The following ZNF385C variants were observed in gnomAD, a reference collection of about 807,000 sequenced individuals.
The protein encoded by ZNF385C is CTD-2132N18.2.
ZNF385C carries 28 observed loss-of-function variants against 35.4 expected under a neutral mutation model. The observed-to-expected ratio is 0.79, with a 90% CI of 0.59 to 1.08. ZNF385C has a LOEUF of 1.08. Ranked by LOEUF, ZNF385C falls within the 50% of genes least tolerant of loss-of-function variation. ZNF385C has a pLI of 0.00. For synonymous variants in ZNF385C, 248 were observed against 248.2 expected (o/e 1.00, Z 0.01); for missense variants, 605 against 595.6 (o/e 1.02, Z -0.16).
rs1421032388 is a variant in ZNF385C at position 42,034,237 on chromosome 17, C to G, written c.498G>C (p.Arg166Ser). 3.2e-6 allele frequency: 5 copies of G among 1,550,516 alleles called. No homozygotes were observed. In the East Asian group the frequency reaches 1.2e-4, roughly 38 times the overall value. The change falls in exon 4 of 9, where the codon AGG becomes AGC. Residue 166 changes from arginine (R) to serine (S), a missense_variant. Transcript: ENST00000692273. ...LFISCNICHL[R>S]FNSANQAEAH... is the part of the protein sequence containing the mutation. ...TACTTTGTCTCACCGCTGAGTTGAA[C>G]CTCAGGTGACAGATGTTACAGGAAA...
intron 2 of ZNF385C, among the ~76,000 whole-genome samples, chr17:42,055,589 C>T (rs2053361323): frequency 6.6e-6 from 1 of 152,118 alleles, no homozygotes; most frequent in Admixed American, 6.5e-5. Context: ...CAGCATGCAC[C>T]CAAAGGCCTC....
chr17:42,052,083 C>T (rs797031136), intron 2 of ZNF385C, among the ~76,000 whole-genome samples: 19 of 152,110 alleles, frequency 1.2e-4, no homozygotes, highest in Admixed American at 1.1e-3. Context: ...CATTTTGCTG[C>T]GGAACAGCCA....
intron 1 of ZNF385C, among the ~76,000 whole-genome samples, chr17:42,073,477 CA>C (rs1191955833): frequency 2.0e-5 from 3 of 151,994 alleles, no homozygotes; most frequent in Non-Finnish European, 2.9e-5. Flanking sequence ...GGTCCAAAGT[CA>C]CACAGGAAGT....
intron 2 of ZNF385C, among the ~76,000 whole-genome samples, chr17:42,052,803 A>T (rs1407033735): frequency 1.3e-5 from 2 of 152,074 alleles, no homozygotes. Context: ...AGTTAAATGC[A>T]TCGGAGTTAA....
intron 1 of ZNF385C, among the ~76,000 whole-genome samples, chr17:42,097,067 A>G (rs1276281292): frequency 2.0e-5 from 3 of 150,256 alleles, no homozygotes; most frequent in Non-Finnish European, 3.0e-5. Flanking sequence ...ACATGAGGGG[A>G]CACTGGTACT....
At chr17:42,091,515 G>C (rs1341050418) in intron 1 of ZNF385C, among the ~76,000 whole-genome samples, 1 of 152,194 alleles carries the variant, frequency 6.6e-6, no homozygotes, top group Non-Finnish European at 1.5e-5. Context: ...AGCTTCCCAA[G>C]GGTCAGGCCC....
chr17:42,055,107 G>A (rs34152339), intron 2 of ZNF385C, among the ~76,000 whole-genome samples: 114,481 of 151,454 alleles, frequency 0.76, 44,565 homozygotes, highest in South Asian at 0.86. Flanking sequence ...GCTAGCCCCC[G>A]ACCCCCTCAG....
rs774830211 is a variant in ZNF385C at position 42,026,762 on chromosome 17, C to G, written c.*135G>C. 3 of 891,130 alleles carry G rather than the reference C, an allele frequency of 3.4e-6. No homozygotes were observed. The highest frequency in any genetic ancestry group is 5.4e-6 in the Non-Finnish European group (3 of 551,192). The allele number at this position is 891,130 out of a possible 1,614,324, so 55.2% of individuals were successfully genotyped here. ...GAAGGCAGCTGCCCTTAAAACTAGC[C>G]CAGCTCTTTCTGGATCGGGCAGGAC... On this transcript the variant is annotated 3_prime_UTR_variant, in exon 9 of 9. Transcript: ENST00000692273.
chr17:42,075,894 C>T (rs2053679835), intron 1 of ZNF385C, among the ~76,000 whole-genome samples: 2 of 152,132 alleles, frequency 1.3e-5, no homozygotes, highest in Non-Finnish European at 1.5e-5. Flanking sequence ...GAATGCTGCC[C>T]ATCCCTCAGT....
At chr17:42,039,090 A>C (rs1364499136) in intron 2 of ZNF385C, 1 of 152,092 alleles carries the variant, frequency 6.6e-6, no homozygotes, top group East Asian at 1.9e-4. Context: ...GTCTCTACTA[A>C]AAATACATAA....
intron 2 of ZNF385C, among the ~76,000 whole-genome samples, chr17:42,044,699 C>T (rs1222330847): frequency 6.6e-6 from 1 of 152,090 alleles, no homozygotes; most frequent in Non-Finnish European, 1.5e-5. Flanking sequence ...CTCTAAAGCT[C>T]CATTCCTTAT....
chr17:42,087,662 C>T (rs887156141), intron 1 of ZNF385C, among the ~76,000 whole-genome samples: 16 of 152,174 alleles, frequency 1.1e-4, no homozygotes, highest in African/African-American at 1.7e-4. Flanking sequence ...CAGTGTCTCA[C>T]GTCTATAAAT....
intron 1 of ZNF385C, among the ~76,000 whole-genome samples, chr17:42,076,246 C>T (rs538169781): frequency 6.6e-6 from 1 of 152,326 alleles, no homozygotes; most frequent in South Asian, 2.1e-4. Flanking sequence ...GTGCCAGATC[C>T]TTCCCATGCC....
intron 1 of ZNF385C, among the ~76,000 whole-genome samples, chr17:42,066,794 C>T (rs557080677): frequency 3.3e-5 from 5 of 152,156 alleles, no homozygotes; most frequent in South Asian, 2.1e-4. Flanking sequence ...ATTGACTGGG[C>T]GCAGTGGCTC....
rs1029049782 is a variant in ZNF385C at position 42,043,362 on chromosome 17, C to T, written c.251-5477G>A. The T allele has an allele frequency of 4.9e-6, 6 of 1,232,246 alleles. No individual in the cohort carries two copies. The East Asian group carries it at 1.9e-4, about 39-fold the overall frequency. The allele number at this position is 1,232,246 out of a possible 1,614,324, so 76.3% of individuals were successfully genotyped here. A position where few individuals can be genotyped will look rare whatever the true frequency, so the allele number is the denominator to read the frequency against. On this transcript the variant is annotated intron_variant, in intron 2 of 8. Transcript: ENST00000692273. ...TGGAGGCCTCTCCCGCTGGTTTCTT[C>T]CCTGGGGGCACCATTCTTGCTCTCT...
chr17:42,031,401 G>A (rs2052725235), intron 5 of ZNF385C, among the ~76,000 whole-genome samples: 1 of 152,198 alleles, frequency 6.6e-6, no homozygotes, highest in Admixed American at 6.5e-5. Flanking sequence ...ATGACCAGGA[G>A]GAGGTGCAAG....
chr17:42,087,794 T>A (rs1555660221), intron 1 of ZNF385C, among the ~76,000 whole-genome samples: 1 of 152,226 alleles, frequency 6.6e-6, no homozygotes, highest in East Asian at 1.9e-4. Flanking sequence ...CCTTGCCTTT[T>A]GTTGCACATA....
intron 2 of ZNF385C, chr17:42,040,029 T>A: frequency 8.1e-7 from 1 of 1,231,048 alleles, no homozygotes; most frequent in Admixed American, 4.2e-5. Flanking sequence ...CAAGGCCGAA[T>A]ACTACGCGCT....
chr17:42,078,423 T>C (rs2053708191), intron 1 of ZNF385C, among the ~76,000 whole-genome samples: 1 of 147,020 alleles, frequency 6.8e-6, no homozygotes, highest in South Asian at 2.2e-4. Context: ...AAAAAAAAAA[T>C]TCAACCAACA....
Sources: gnomAD v4.1 joint callset for allele counts (sites outside exome capture counted in the v4.1 genomes callset) on GRCh38, gnomAD v4.1.1 for gene constraint, MANE v1.5 for transcripts, NCBI Gene and HGNC (gene_info 2026-07-23, HGNC 2026-07-21) for gene names.